The following GJB7 variants were observed in gnomAD, a reference collection of about 807,000 sequenced individuals.
GJB7 encodes gap junction beta-7 protein.
For missense variants in GJB7, 253 were observed against 256.8 expected (o/e 0.99, Z 0.10); for synonymous variants, 87 against 95.2 (o/e 0.91, Z 0.50).
chr6:87,324,904 A>G (rs1161334710), intron 1 of GJB7, among the ~76,000 whole-genome samples: 1 of 152,226 alleles, frequency 6.6e-6, no homozygotes, highest in Non-Finnish European at 1.5e-5. Flanking sequence ...ACGCATGAGC[A>G]TGGAATGTTC....
intron 2 of GJB7, among the ~76,000 whole-genome samples, chr6:87,318,371 C>T (rs988070073): frequency 2.6e-5 from 4 of 152,132 alleles, no homozygotes; most frequent in East Asian, 1.9e-4. Context: ...TGCACAACAA[C>T]GAACTGAACC....
At chr6:87,302,828 T>G (rs1048598034) in intron 2 of GJB7, among the ~76,000 whole-genome samples, 9 of 152,210 alleles carry the variant, frequency 5.9e-5, no homozygotes, top group African/African-American at 2.2e-4. Flanking sequence ...ACAGCGGATC[T>G]CTTGGCAGAA....
chr6:87,316,790 A>T (rs1776590709), intron 2 of GJB7, among the ~76,000 whole-genome samples: 1 of 152,164 alleles, frequency 6.6e-6, no homozygotes, highest in Admixed American at 6.5e-5. Flanking sequence ...CTGTTTCTCC[A>T]GTGTCATTTC....
Position 87,283,048 on chromosome 6 carries a change from A to G in GJB7, c.*1193T>C, listed in dbSNP as rs574376944. ...TGTTAAAGTACTAAATCCAAAGAGA[A>G]CATATCTGTGAATTGCTAAGAAAAT... On this transcript the variant is annotated 3_prime_UTR_variant, in exon 3 of 3. Transcript: ENST00000525899. 1 of 152,342 alleles carries G rather than the reference A, an allele frequency of 6.6e-6. No homozygotes were observed. The highest frequency in any genetic ancestry group is 2.4e-5 in the African/African-American group (1 of 41,584). 9.4% of individuals were successfully genotyped at this position (152,342 alleles called of 1,614,324 possible).
intron 2 of GJB7, among the ~76,000 whole-genome samples, chr6:87,308,231 T>G: frequency 7.5e-6 from 1 of 134,012 alleles, no homozygotes; most frequent in South Asian, 2.8e-4. Flanking sequence ...TGACATGGGG[T>G]CGGGGGAGGG....
intron 2 of GJB7, among the ~76,000 whole-genome samples, chr6:87,293,550 T>C (rs924886457): frequency 1.3e-5 from 2 of 152,090 alleles, no homozygotes; most frequent in Admixed American, 1.3e-4. Context: ...GATCCCAAAG[T>C]CTTGTCTCTG....
intron 2 of GJB7, among the ~76,000 whole-genome samples, chr6:87,307,304 C>T (rs1403025062): frequency 6.6e-6 from 1 of 151,238 alleles, no homozygotes; most frequent in Non-Finnish European, 1.5e-5. Flanking sequence ...CCATTCAGGA[C>T]ATAGGCATGG....
intron 2 of GJB7, among the ~76,000 whole-genome samples, chr6:87,301,638 C>T (rs1446940795): frequency 2.0e-5 from 3 of 152,330 alleles, no homozygotes; most frequent in African/African-American, 7.2e-5. Context: ...CAGCAGAAAC[C>T]TCTGCAGACT....
intron 2 of GJB7, among the ~76,000 whole-genome samples, chr6:87,302,232 G>A (rs2127903355): frequency 6.6e-6 from 1 of 152,306 alleles, no homozygotes; most frequent in Admixed American, 6.5e-5. Flanking sequence ...ACTTCTCCAA[G>A]CTAAAGGAGG....
intron 2 of GJB7, among the ~76,000 whole-genome samples, chr6:87,292,393 G>C (rs903944408): frequency 2.0e-5 from 3 of 152,082 alleles, no homozygotes; most frequent in African/African-American, 7.2e-5. Flanking sequence ...CACTTCATAA[G>C]TCCTATTCTT....
chr6:87,294,437 C>T (rs1776221321), intron 2 of GJB7, among the ~76,000 whole-genome samples: 1 of 152,158 alleles, frequency 6.6e-6, no homozygotes, highest in Non-Finnish European at 1.5e-5. Flanking sequence ...AATGCAGATG[C>T]CCTATGAGAA....
chr6:87,284,987 A>G, intron 2 of GJB7, 48 bp from the exon 3 acceptor site: 1 of 1,183,592 alleles, frequency 8.4e-7, no homozygotes, highest in South Asian at 1.4e-5. Context: ...TCTATTCTAC[A>G]GATCGTTTCT....
intron 2 of GJB7, among the ~76,000 whole-genome samples, chr6:87,304,638 C>A (rs1185662681): frequency 6.6e-6 from 1 of 152,118 alleles, no homozygotes. Context: ...CTATTCCAAT[C>A]AATAGAAAAA....
At chr6:87,293,145 ACT>A (rs1343067644) in intron 2 of GJB7, among the ~76,000 whole-genome samples, 1 of 152,024 alleles carries the variant, frequency 6.6e-6, no homozygotes, top group Admixed American at 6.5e-5. Context: ...AATTCTCCTG[ACT>A]CAGCTTCCCG....
chr6:87,299,061 C>T (rs1776284922), intron 2 of GJB7: 1 of 509,896 alleles, frequency 2.0e-6, no homozygotes, highest in East Asian at 5.5e-5. Flanking sequence ...CAAGATGTTG[C>T]TAATAACACA....
At chr6:87,304,208 A>G (rs987222744) in intron 2 of GJB7, among the ~76,000 whole-genome samples, 7 of 152,328 alleles carry the variant, frequency 4.6e-5, no homozygotes, top group Non-Finnish European at 7.3e-5. Flanking sequence ...AGACACAAAA[A>G]AAACCCTTCA....
intron 2 of GJB7, among the ~76,000 whole-genome samples, chr6:87,296,975 G>C (rs925562576): frequency 1.2e-4 from 18 of 152,166 alleles, no homozygotes; most frequent in Admixed American, 5.2e-4. Context: ...CATGGCCCCT[G>C]TCAGGCCCTG....
At chr6:87,303,912 C>A (rs1173200084) in intron 2 of GJB7, among the ~76,000 whole-genome samples, 1 of 152,184 alleles carries the variant, frequency 6.6e-6, no homozygotes, top group Non-Finnish European at 1.5e-5. Context: ...GAACAACCTG[C>A]CCCTGAATGA....
intron 2 of GJB7, among the ~76,000 whole-genome samples, chr6:87,290,739 T>A (rs1003245414): frequency 2.6e-5 from 4 of 152,190 alleles, no homozygotes; most frequent in Admixed American, 2.0e-4. Flanking sequence ...AATAACACTT[T>A]TTGAGACTCA....
Sources: allele counts gnomAD v4.1 joint callset (sites outside exome capture counted in the v4.1 genomes callset), GRCh38; gene constraint gnomAD v4.1.1; transcripts MANE v1.5; gene names NCBI Gene and HGNC (gene_info 2026-07-23, HGNC 2026-07-21).